SLC25A21: variants seen among roughly 807,000 people sequenced by gnomAD.
SLC25A21 encodes mitochondrial 2-oxodicarboxylate carrier.
A neutral mutation model predicts 43.8 loss-of-function variants in SLC25A21; 47 were observed. The ratio of observed to expected loss-of-function variants is 1.07; its 90% CI spans 0.85 to 1.37. The LOEUF is 1.37. SLC25A21 is among the 40% of genes most tolerant of loss of function. The pLI is 0.00. For synonymous variants in SLC25A21, 131 were observed against 121.3 expected (o/e 1.08, Z -0.52); for missense variants, 352 against 350.2 (o/e 1.00, Z -0.04).
At position 37,172,294 on chromosome 14, in the gene SLC25A21, G is replaced by A. The variant is rs772052893; in HGVS notation, c.57C>T (p.Ala19=). 1.9e-6 allele frequency: 3 copies of A among 1,599,128 alleles called. No homozygotes were observed. Among genetic ancestry groups the A allele is most frequent in the Middle Eastern group, 1.7e-4 (1 of 6,028 alleles). Reference sequence around the variant, plus strand: ...GGCTGTCCTTACCTGCAGAACCACCGGCCACGATCTGCCGAGAAGCCTCGC... The same window carrying A: ...GGCTGTCCTTACCTGCAGAACCACCAGCCACGATCTGCCGAGAAGCCTCGC... ...LVREASRQIV[A]GGSAGLVEIC... is the part of the protein sequence containing the mutation. The change falls in exon 1 of 10, where the codon GCC becomes GCT. Residue 19 remains alanine (A), a synonymous_variant. Transcript: ENST00000331299.
chr14:37,130,873 G>T (rs1380762460), intron 1 of SLC25A21, among the ~76,000 whole-genome samples: 1 of 152,214 alleles, frequency 6.6e-6, no homozygotes, highest in East Asian at 1.9e-4. Flanking sequence ...AGGAACTGCT[G>T]GCTTTGGCCA....
At chr14:37,092,582 TG>T (rs1962609738) in intron 1 of SLC25A21, among the ~76,000 whole-genome samples, 1 of 152,162 alleles carries the variant, frequency 6.6e-6, no homozygotes, top group Non-Finnish European at 1.5e-5. Flanking sequence ...TGACTCTGTC[TG>T]GGCTAATGAC....
intron 1 of SLC25A21, among the ~76,000 whole-genome samples, chr14:36,884,040 T>C (rs1398679307): frequency 6.6e-6 from 1 of 152,188 alleles, no homozygotes; most frequent in Non-Finnish European, 1.5e-5. Context: ...TGCATTATTA[T>C]TAATTATAGT....
At chr14:37,155,913 T>C (rs6571792) in intron 1 of SLC25A21, among the ~76,000 whole-genome samples, 59,724 of 151,602 alleles carry the variant, frequency 0.39, 12,602 homozygotes, top group African/African-American at 0.56. Flanking sequence ...AATCCTAGCA[T>C]TTTGGGAGAC....
chr14:37,085,977 C>T (rs1332431393), intron 1 of SLC25A21, among the ~76,000 whole-genome samples: 3 of 151,994 alleles, frequency 2.0e-5, no homozygotes, highest in Admixed American at 1.3e-4. Flanking sequence ...TGGTGGCGGG[C>T]GCCTGTAGTC....
At chr14:37,097,029 G>GTTTTT (rs1235443891) in intron 1 of SLC25A21, 1 of 130,712 alleles carries the variant, frequency 7.7e-6, no homozygotes, top group Admixed American at 7.5e-5. Flanking sequence ...TTTTTTTTTT[G>GTTTTT]TTTTTTTTTT....
chr14:37,111,481 T>C (rs1963018407), intron 1 of SLC25A21, among the ~76,000 whole-genome samples: 1 of 152,234 alleles, frequency 6.6e-6, no homozygotes, highest in Non-Finnish European at 1.5e-5. Context: ...CCTCTCTCAG[T>C]GGTTCTACAT....
At chr14:36,860,436 TC>T (rs1275528136) in intron 2 of SLC25A21, among the ~76,000 whole-genome samples, 5 of 152,160 alleles carry the variant, frequency 3.3e-5, no homozygotes, top group Admixed American at 3.3e-4. Context: ...CCAGAGCAGC[TC>T]CATTGACTTG....
At chr14:36,750,508 GTTGTATGAGACA>G (rs1330000687) in intron 3 of SLC25A21, among the ~76,000 whole-genome samples, 1 of 152,068 alleles carries the variant, frequency 6.6e-6, no homozygotes, top group Non-Finnish European at 1.5e-5. Context: ...TATTCTCCTG[GTTGTATGAGACA>G]TTGTATGAGA....
intron 1 of SLC25A21, among the ~76,000 whole-genome samples, chr14:37,080,117 C>A (rs1024121216): frequency 6.6e-6 from 1 of 152,038 alleles, no homozygotes; most frequent in African/African-American, 2.4e-5. Context: ...TATAAACTAC[C>A]CAGTTTATGG....
chr14:36,942,773 G>T (rs1892596286), intron 1 of SLC25A21, among the ~76,000 whole-genome samples: 1 of 152,148 alleles, frequency 6.6e-6, no homozygotes, highest in African/African-American at 2.4e-5. Flanking sequence ...CAAGTGACCG[G>T]CTGTTTGTGA....
intron 3 of SLC25A21, among the ~76,000 whole-genome samples, chr14:36,785,666 TG>T (rs2138387953): frequency 6.6e-6 from 1 of 152,332 alleles, no homozygotes; most frequent in African/African-American, 2.4e-5. Flanking sequence ...CAATTTCAGT[TG>T]GTTGTCTTTG....
At chr14:37,020,020 A>G (rs1036307613) in intron 1 of SLC25A21, among the ~76,000 whole-genome samples, 1 of 152,048 alleles carries the variant, frequency 6.6e-6, no homozygotes. Flanking sequence ...ATTTTTATTT[A>G]AAGTTGAATA....
chr14:36,802,721 T>A (rs1887910183), intron 3 of SLC25A21, among the ~76,000 whole-genome samples: 1 of 152,216 alleles, frequency 6.6e-6, no homozygotes, highest in African/African-American at 2.4e-5. Flanking sequence ...GCATACGAGC[T>A]GGGCATCTTT....
intron 1 of SLC25A21, among the ~76,000 whole-genome samples, chr14:37,085,241 C>T (rs547516612): frequency 6.6e-6 from 1 of 152,090 alleles, no homozygotes; most frequent in East Asian, 1.9e-4. Context: ...ACGCCACGCT[C>T]GTTGGATGAC....
chr14:37,169,537 G>C (rs1320392329), intron 1 of SLC25A21, among the ~76,000 whole-genome samples: 1 of 150,144 alleles, frequency 6.7e-6, no homozygotes, highest in African/African-American at 2.5e-5. Context: ...TTTCACCTAA[G>C]AAAGCCAGAA....
At chr14:36,741,464 G>C (rs879325875) in intron 3 of SLC25A21, among the ~76,000 whole-genome samples, 4 of 152,138 alleles carry the variant, frequency 2.6e-5, no homozygotes, top group Admixed American at 2.0e-4. Context: ...CCTCCTAAAA[G>C]AGGAGAAGAT....
chr14:36,979,412 G>A (rs1293322906), intron 1 of SLC25A21, among the ~76,000 whole-genome samples: 1 of 151,566 alleles, frequency 6.6e-6, no homozygotes, highest in Non-Finnish European at 1.5e-5. Flanking sequence ...CTGGAGTGCA[G>A]TGGCGTGATA....
chr14:37,102,243 C>T (rs967856275), intron 1 of SLC25A21, among the ~76,000 whole-genome samples: 2 of 151,990 alleles, frequency 1.3e-5, no homozygotes, highest in African/African-American at 2.4e-5. Context: ...GAGTTCAAGA[C>T]CAGCCTGGCC....
Sources: gnomAD v4.1 joint callset for allele counts (sites outside exome capture counted in the v4.1 genomes callset) on GRCh38, gnomAD v4.1.1 for gene constraint, MANE v1.5 for transcripts, NCBI Gene and HGNC (gene_info 2026-07-23, HGNC 2026-07-21) for gene names.